Variants in DYSF observed in about 807,000 individuals in gnomAD.
DYSF encodes the protein dystrophy-associated fer-1-like 1.
Under a neutral mutation model 274.9 loss-of-function variants are expected in DYSF, and 212 were observed. That is an observed-to-expected ratio of 0.77 (90% CI 0.69 to 0.86). The LOEUF (loss-of-function observed/expected upper bound fraction) is 0.86, where lower values mean the gene tolerates loss of function less well. Ranked by LOEUF, DYSF falls within the 40% of genes least tolerant of loss-of-function variation. The pLI, the probability that DYSF is intolerant of heterozygous loss-of-function variation, is 0.00. For missense variants in DYSF, 2,666 were observed against 2,783.2 expected (o/e 0.96, Z 0.95); for synonymous variants, 1,091 against 1,078.7 (o/e 1.01, Z -0.22).
intron 17 of DYSF, among the ~76,000 whole-genome samples, chr2:71,543,249 T>C (rs1246006225): frequency 1.4e-5 from 1 of 71,402 alleles, no homozygotes; most frequent in Admixed American, 1.5e-4. Flanking sequence ...GAGGCGCTCC[T>C]CACATCCCAG....
At chr2:71,620,643 T>TA (rs1417193339) in intron 41 of DYSF, 34 bp downstream of exon 41, 6 of 1,547,284 alleles carry the variant, frequency 3.9e-6, no homozygotes, top group Non-Finnish European at 5.2e-6. Context: ...GGGCTCCTTG[T>TA]ATTCCCTTGT....
chr2:71,568,286 C>T lies in DYSF; in HGVS notation c.2812C>T (p.Pro938Ser). 1 of 1,614,222 alleles carries T rather than the reference C, an allele frequency of 6.2e-7. No individual in the cohort carries two copies. The highest frequency in any genetic ancestry group is 8.5e-7 in the Non-Finnish European group (1 of 1,180,044). ...KIKLPKDSFR[P>S]SAGWTWAGDW... ...CAAGCTACCCAAGGACAGCTTCCGCCCCTCGGCCGGCTGGACCTGGGCTGG... is the reference window on the plus strand; with the variant it reads ...CAAGCTACCCAAGGACAGCTTCCGCTCCTCGGCCGGCTGGACCTGGGCTGG... Residue 938 changes from proline to serine, a missense_variant, in exon 26 of 56, where the codon CCC becomes TCC. Pro to Ser is a moderately conservative substitution (Grantham distance 74). Transcript: ENST00000410020.
intron 14 of DYSF, among the ~76,000 whole-genome samples, chr2:71,529,932 TTGA>T (rs1446314536): frequency 6.6e-6 from 1 of 152,252 alleles, no homozygotes; most frequent in African/African-American, 2.4e-5. Flanking sequence ...CATTATTGTG[TTGA>T]TGTATGAATT....
Position 71,658,994 on chromosome 2 carries a change from C to A in DYSF, c.4872C>A (p.Val1624=). 1 of 1,614,188 alleles carries A rather than the reference C, an allele frequency of 6.2e-7. No individual in the cohort carries two copies. The highest frequency in any genetic ancestry group is 8.5e-7 in the Non-Finnish European group (1 of 1,180,020). Residue 1624 remains valine, a synonymous_variant, in exon 44 of 56, where the codon GTC becomes GTA. Coordinates refer to ENST00000410020, the MANE Select transcript of DYSF (RefSeq NM_001130987.2). ...PQECLVRIYI[V]RAFGLQPKDP... is the part of the protein sequence containing the mutation. ...AGTGCTTGGTCCGTATCTACATTGTCCGAGCATTTGGCCTGCAGCCCAAGG... is the reference window on the plus strand; with the variant it reads ...AGTGCTTGGTCCGTATCTACATTGTACGAGCATTTGGCCTGCAGCCCAAGG...
chr2:71,554,754 T>C (rs1334632014), intron 21 of DYSF, among the ~76,000 whole-genome samples: 1 of 151,962 alleles, frequency 6.6e-6, no homozygotes, highest in Non-Finnish European at 1.5e-5. Context: ...TCAGGTTCTG[T>C]TTTGGAGGTG....
At chr2:71,671,763 A>C (rs1449887238) in intron 51 of DYSF, among the ~76,000 whole-genome samples, 1 of 152,076 alleles carries the variant, frequency 6.6e-6, no homozygotes, top group Non-Finnish European at 1.5e-5. Flanking sequence ...GCTGATTAAG[A>C]ATTTGGGGTG....
intron 44 of DYSF, among the ~76,000 whole-genome samples, 178 bp downstream of exon 44, chr2:71,659,211 T>C (rs2152941396): frequency 6.6e-6 from 1 of 152,204 alleles, no homozygotes; most frequent in African/African-American, 2.4e-5. Flanking sequence ...CTCTAGAAGG[T>C]CAGGGAAGGC....
At chr2:71,674,753 G>A (rs2589512) in intron 52 of DYSF, among the ~76,000 whole-genome samples, 8,814 of 152,284 alleles carry the variant, frequency 0.058, 347 homozygotes, top group Non-Finnish European at 0.092. Context: ...CTAGTGGGAA[G>A]GGCTGTGATG....
At chr2:71,545,823 C>T (rs116544815) in intron 17 of DYSF, among the ~76,000 whole-genome samples, 6,032 of 152,140 alleles carry the variant, frequency 0.04, 154 homozygotes, top group Admixed American at 0.059. Flanking sequence ...TCTCTGTGTC[C>T]GCATGAGTGT....
At chr2:71,509,987 A>G (rs2085913781) in intron 4 of DYSF, among the ~76,000 whole-genome samples, 1 of 152,200 alleles carries the variant, frequency 6.6e-6, no homozygotes, top group Non-Finnish European at 1.5e-5. Flanking sequence ...CATGTTGGCC[A>G]GGCTGGTCTC....
intron 51 of DYSF, among the ~76,000 whole-genome samples, chr2:71,671,375 C>A (rs1226436933): frequency 6.6e-6 from 1 of 152,212 alleles, no homozygotes; most frequent in East Asian, 1.9e-4. Context: ...TGCATCTGCC[C>A]CAAGACACAG....
At chr2:71,509,597 C>T (rs2085868846) in intron 4 of DYSF, among the ~76,000 whole-genome samples, 1 of 152,034 alleles carries the variant, frequency 6.6e-6, no homozygotes, top group African/African-American at 2.4e-5. Flanking sequence ...AAAGCTTTCT[C>T]CTCTCCTATT....
chr2:71,677,478 A>AG (rs2095240337), intron 52 of DYSF, among the ~76,000 whole-genome samples: 1 of 152,210 alleles, frequency 6.6e-6, no homozygotes, highest in Non-Finnish European at 1.5e-5. Context: ...GGTCAAAGAT[A>AG]GTTAAATACA....
chr2:71,638,967 A>G (rs1009039855), intron 41 of DYSF, among the ~76,000 whole-genome samples: 1 of 152,176 alleles, frequency 6.6e-6, no homozygotes, highest in Non-Finnish European at 1.5e-5. Context: ...CAAGGGTTCC[A>G]ATTTCTCTAT....
chr2:71,585,118 A>G (rs1352560098), intron 30 of DYSF, among the ~76,000 whole-genome samples: 1 of 152,222 alleles, frequency 6.6e-6, no homozygotes, highest in Non-Finnish European at 1.5e-5. Context: ...AGACATTTCT[A>G]GTGATCGTAA....
chr2:71,464,277 G>C (rs1162194124), upstream of DYSF, among the ~76,000 whole-genome samples: 1 of 152,248 alleles, frequency 6.6e-6, no homozygotes, highest in African/African-American at 2.4e-5. Flanking sequence ...ACCAGGTGCT[G>C]TTTCAGGCAC....
intron 1 of DYSF, among the ~76,000 whole-genome samples, chr2:71,476,823 CTTT>C (rs1553505730): frequency 2.9e-5 from 4 of 137,160 alleles, no homozygotes; most frequent in Admixed American, 1.4e-4. Context: ...GAACTAGCTG[CTTT>C]TTTTTTTTTT....
intron 10 of DYSF, among the ~76,000 whole-genome samples, chr2:71,519,330 A>G (rs1264292570): frequency 4.6e-5 from 7 of 152,150 alleles, no homozygotes; most frequent in Admixed American, 4.6e-4. Flanking sequence ...TTGTTCTGAG[A>G]ACCCAAGGGT....
At chr2:71,546,159 T>C (rs2090451860) in intron 17 of DYSF, among the ~76,000 whole-genome samples, 1 of 152,244 alleles carries the variant, frequency 6.6e-6, no homozygotes, top group African/African-American at 2.4e-5. Flanking sequence ...GGTCGGGCCC[T>C]TGCCTTGCTC....
Sources: allele counts gnomAD v4.1 joint callset (sites outside exome capture counted in the v4.1 genomes callset), GRCh38; gene constraint gnomAD v4.1.1; transcripts MANE v1.5; gene names NCBI Gene and HGNC (gene_info 2026-07-23, HGNC 2026-07-21).